Variants in CMIP observed in about 807,000 individuals in gnomAD.
CMIP encodes c-Maf inducing protein, also known as C-Maf-inducing protein.
A neutral mutation model predicts 97.3 loss-of-function variants in CMIP; 13 were observed. That is an observed-to-expected ratio of 0.13 (90% CI 0.09 to 0.21). CMIP has a LOEUF of 0.21. Among genes scored for constraint, CMIP ranks in the 10% least tolerant of loss-of-function variants. The pLI is 1.00. For missense variants in CMIP, 847 were observed against 1,024.9 expected (o/e 0.83, Z 2.37); for synonymous variants, 538 against 436.3 (o/e 1.23, Z -2.91).
At position 81,627,398 on chromosome 16, in the gene CMIP, T is replaced by C. The variant is rs1270850758; in HGVS notation, c.477+6472T>C. The stretch of plus-strand genomic sequence containing the variant: ...TTGTTTGTGCAGCAGGCAGAAGGGA[T>C]CCTGGTAGGAGCCCACGCGTGGGAG... On this transcript the variant is annotated intron_variant, in intron 3 of 20. Coordinates refer to ENST00000537098, the MANE Select transcript of CMIP (RefSeq NM_198390.3). This position sits in a 1 kb window ranked among gnomAD's most constrained non-coding sequence, Gnocchi z 4.6. Among the ~76,000 whole-genome samples, 1 of 151,926 alleles carries C rather than the reference T, an allele frequency of 6.6e-6. No homozygotes were observed. Among genetic ancestry groups the C allele is most frequent in the South Asian group, 2.1e-4 (1 of 4,828 alleles).
At chr16:81,664,503 T>TG (rs2092582323) in intron 7 of CMIP, 154 bp downstream of exon 7, 2 of 649,290 alleles carry the variant, frequency 3.1e-6, no homozygotes, top group East Asian at 5.8e-5. Context: ...TAAGGACTTT[T>TG]GGGGGTTTTG....
intron 1 of CMIP, among the ~76,000 whole-genome samples, chr16:81,590,760 T>G (rs1176526910): frequency 2.0e-5 from 3 of 152,290 alleles, no homozygotes; most frequent in African/African-American, 7.2e-5. Context: ...ACACACCCAC[T>G]GAAACATCTT....
In CMIP at chr16:81,445,252, C is replaced by A; in HGVS notation, c.11C>A (p.Thr4Asn). MDV[T>N]SSSGGGGDPR... Reference sequence around the variant, plus strand: ...TCCCCCGGCGCGGCCATGGATGTGACCAGCAGCTCGGGCGGCGGCGGCGAC... The same window carrying A: ...TCCCCCGGCGCGGCCATGGATGTGAACAGCAGCTCGGGCGGCGGCGGCGAC... Residue 4 changes from threonine (T) to asparagine (N), a missense_variant, in exon 1 of 21, where the codon ACC becomes AAC. Physicochemically the swap from Thr to Asn is moderately conservative, Grantham distance 65 (BLOSUM62 0). Transcript: ENST00000537098. 7 of 1,532,722 alleles carry A rather than the reference C, an allele frequency of 4.6e-6. No homozygotes were observed. The highest frequency in any genetic ancestry group is 1.2e-5 in the South Asian group (1 of 83,462). The allele number at this position is 1,532,722 out of a possible 1,614,324, so 94.9% of individuals were successfully genotyped here.
At chr16:81,551,961 C>T (rs1035942700) in intron 1 of CMIP, among the ~76,000 whole-genome samples, 7 of 152,254 alleles carry the variant, frequency 4.6e-5, no homozygotes, top group East Asian at 3.8e-4. Context: ...TGTTCCCCAC[C>T]GGCAGTGTGC....
At chr16:81,601,275 G>A (rs1156838543) in intron 1 of CMIP, among the ~76,000 whole-genome samples, 2 of 152,346 alleles carry the variant, frequency 1.3e-5, no homozygotes, top group African/African-American at 4.8e-5. Flanking sequence ...TGGACGTCAT[G>A]ATTCGTATTC....
At chr16:81,704,758 C>T (rs1385319672) in intron 18 of CMIP, among the ~76,000 whole-genome samples, 4 of 141,628 alleles carry the variant, frequency 2.8e-5, no homozygotes, top group African/African-American at 1.1e-4. Context: ...TCCCTGCCTA[C>T]ACCCCAGGCA....
At chr16:81,481,756 G>C (rs56140527) in intron 1 of CMIP, among the ~76,000 whole-genome samples, 23,326 of 152,102 alleles carry the variant, frequency 0.15, 1,892 homozygotes, top group Non-Finnish European at 0.17. Context: ...GGAAGCCTAA[G>C]GGAAGGGTCT....
At chr16:81,638,224 G>A (rs989136133) in intron 3 of CMIP, among the ~76,000 whole-genome samples, 22 of 152,146 alleles carry the variant, frequency 1.4e-4, no homozygotes, top group Non-Finnish European at 2.4e-4. Context: ...ATAATCCAGC[G>A]TGATCTCCCC....
chr16:81,463,887 G>A (rs189127127), intron 1 of CMIP: 1 of 152,258 alleles, frequency 6.6e-6, no homozygotes, highest in African/African-American at 2.4e-5. Flanking sequence ...ACTCTTGTAT[G>A]GTTCCACCTA....
In CMIP at chr16:81,593,130, C is replaced by T. The variant is rs188447885; in HGVS notation, c.301-14437C>T. Reference sequence around the variant, plus strand: ...CCATAAAAGGGGGTGGCTGCCATAGCTGGTTTCGTGATTAATGAGCCCACG... The same window carrying T: ...CCATAAAAGGGGGTGGCTGCCATAGTTGGTTTCGTGATTAATGAGCCCACG... On this transcript the variant is annotated intron_variant, in intron 1 of 20. Transcript: ENST00000537098. Among the ~76,000 whole-genome samples, 38 of 152,302 alleles carry T rather than the reference C, an allele frequency of 2.5e-4. No homozygotes were observed. In the Middle Eastern group the frequency reaches 0.017, roughly 68 times the overall value.
chr16:81,533,001 C>T (rs542005688), intron 1 of CMIP, among the ~76,000 whole-genome samples: 1 of 152,284 alleles, frequency 6.6e-6, no homozygotes, highest in African/African-American at 2.4e-5. Context: ...TAAACACCCA[C>T]ACCACACGCT....
chr16:81,571,997 A>T (rs1263491565), intron 1 of CMIP, among the ~76,000 whole-genome samples: 1 of 152,144 alleles, frequency 6.6e-6, no homozygotes, highest in Non-Finnish European at 1.5e-5. Context: ...GAGTTGCATC[A>T]TGAGACCCTT....
chr16:81,481,880 CTTT>C (rs768919033), intron 1 of CMIP, among the ~76,000 whole-genome samples: 6 of 136,548 alleles, frequency 4.4e-5, no homozygotes, highest in Admixed American at 7.3e-5. Context: ...CCGCCTCCCT[CTTT>C]TTTTTTTTTT....
intron 1 of CMIP, among the ~76,000 whole-genome samples, chr16:81,512,258 C>T (rs1303564288): frequency 6.6e-6 from 1 of 152,140 alleles, no homozygotes; most frequent in Non-Finnish European, 1.5e-5. Context: ...TGTTTCTGTG[C>T]ACTTCCAGTT....
intron 8 of CMIP, among the ~76,000 whole-genome samples, chr16:81,671,655 C>G (rs1239797413): frequency 1.3e-5 from 2 of 152,202 alleles, no homozygotes; most frequent in Non-Finnish European, 1.5e-5. Context: ...GGCTGCTATC[C>G]TCATTTTATC....
chr16:81,696,252 A>G, intron 13 of CMIP: 1 of 460,660 alleles, frequency 2.2e-6, no homozygotes, highest in Non-Finnish European at 3.9e-6. Flanking sequence ...TGCTCTGGGC[A>G]TCTCTACCTG....
intron 1 of CMIP, among the ~76,000 whole-genome samples, chr16:81,591,312 A>G (rs2091463629): frequency 6.6e-6 from 1 of 152,204 alleles, no homozygotes; most frequent in Admixed American, 6.5e-5. Flanking sequence ...TACTCTGGAC[A>G]CCAGCTAAGG....
At chr16:81,675,236 C>A (rs1477414781) in intron 9 of CMIP, among the ~76,000 whole-genome samples, 2 of 152,122 alleles carry the variant, frequency 1.3e-5, no homozygotes, top group African/African-American at 4.8e-5. Flanking sequence ...AACAGTCTCA[C>A]TCTGTCACCC....
chr16:81,458,291 A>G (rs1388560247), intron 1 of CMIP, among the ~76,000 whole-genome samples: 1 of 152,138 alleles, frequency 6.6e-6, no homozygotes, highest in Non-Finnish European at 1.5e-5. Context: ...GAAGGCTATT[A>G]AAAAGCAAGG....
Sources: gnomAD v4.1 joint callset for allele counts (sites outside exome capture counted in the v4.1 genomes callset) on GRCh38, gnomAD v4.1.1 for gene constraint, Gnocchi (gnomAD v3.1) non-coding constraint, MANE v1.5 for transcripts, NCBI Gene and HGNC (gene_info 2026-07-23, HGNC 2026-07-21) for gene names.